The following TBK1 variants were observed in gnomAD, a reference collection of about 807,000 sequenced individuals.
TBK1 encodes the protein serine/threonine-protein kinase TBK1.
TBK1 carries 37 observed loss-of-function variants against 99.9 expected under a neutral mutation model. The ratio of observed to expected loss-of-function variants is 0.37; its 90% CI spans 0.28 to 0.49. The LOEUF is 0.49. Ranked by LOEUF, TBK1 falls within the 20% of genes least tolerant of loss-of-function variation. The probability of loss-of-function intolerance (pLI) is 0.98; values close to 1 mark genes in which losing one functional copy is unlikely to be tolerated. For synonymous variants in TBK1, 258 were observed against 279.8 expected, an observed-to-expected ratio of 0.92 and a Z score of 0.78; for missense variants, 644 against 872.5, an observed-to-expected ratio of 0.74 and a Z score of 3.30.
At chr12:64,495,294 A>G (rs902776101) in intron 13 of TBK1, 189 bp from the exon 14 acceptor site, 1 of 584,850 alleles carries the variant, frequency 1.7e-6, no homozygotes, top group African/African-American at 1.9e-5. Context: ...ATGTTTTATT[A>G]TCATACTGTA....
chr12:64,455,997 A>G (rs1223597127), intron 2 of TBK1, 40 bp downstream of exon 2: 2 of 1,455,878 alleles, frequency 1.4e-6, no homozygotes, highest in Non-Finnish European at 1.9e-6. Flanking sequence ...TTATCACTGT[A>G]TGTATTTTGT....
intron 6 of TBK1, among the ~76,000 whole-genome samples, chr12:64,476,108 A>G (rs1429975253): frequency 1.5e-5 from 2 of 131,586 alleles, no homozygotes; most frequent in East Asian, 2.4e-4. Context: ...CTCTTTGATG[A>G]TTAGTGGTTT....
At chr12:64,468,260 C>T (rs1179072932) in intron 5 of TBK1, among the ~76,000 whole-genome samples, 11 of 151,938 alleles carry the variant, frequency 7.2e-5, no homozygotes, top group South Asian at 2.1e-4. Context: ...TTTGGGAGGC[C>T]GAGGTGGGCA....
chr12:64,462,869 G>A (rs1355954964), intron 3 of TBK1, among the ~76,000 whole-genome samples: 2 of 152,070 alleles, frequency 1.3e-5, no homozygotes, highest in East Asian at 1.9e-4. Context: ...ATAATCAATG[G>A]TACATTAAAA....
chr12:64,496,244 AC>A, intron 15 of TBK1, 122 bp from the exon 16 acceptor site: 2 of 428,996 alleles, frequency 4.7e-6, no homozygotes, highest in Non-Finnish European at 8.3e-6. Context: ...CCAATGAGCC[AC>A]AAATCTATGA....
chr12:64,456,468 A>G (rs776999221), intron 2 of TBK1, among the ~76,000 whole-genome samples: 2 of 152,188 alleles, frequency 1.3e-5, no homozygotes, highest in African/African-American at 2.4e-5. Context: ...TGAAAAGACC[A>G]TATTTTGGTA....
chr12:64,475,176 C>CT (rs1471747656), intron 6 of TBK1, among the ~76,000 whole-genome samples: 2 of 151,994 alleles, frequency 1.3e-5, no homozygotes, highest in Non-Finnish European at 2.9e-5. Context: ...TAACATTAAA[C>CT]TTTTTTTTCC....
chr12:64,473,934 A>G lies in TBK1; in HGVS notation c.541-296A>G, dbSNP rs985494994. Among the ~76,000 whole-genome samples, 3 of 152,114 alleles carry G rather than the reference A, an allele frequency of 2.0e-5. 1 individual carries two copies. Among genetic ancestry groups the G allele is most frequent in the South Asian group, 4.1e-4 (2 of 4,828 alleles). ...CCCATCTCAAAAAAAAGAGAAAAAA[A>G]TAAAACGGACACAGATTCAGGTAGG... On this transcript the variant is annotated intron_variant, in intron 5 of 20. Coordinates refer to ENST00000331710, the MANE Select transcript of TBK1 (RefSeq NM_013254.4).
chr12:64,480,688 T>TAAG (rs1342198854), intron 7 of TBK1, among the ~76,000 whole-genome samples: 2 of 152,164 alleles, frequency 1.3e-5, no homozygotes, highest in African/African-American at 2.4e-5. Flanking sequence ...AAGAAAGAAT[T>TAAG]AAGGTAAAAG....
chr12:64,476,262 A>C (rs769916483), intron 6 of TBK1, among the ~76,000 whole-genome samples: 7 of 139,656 alleles, frequency 5.0e-5, no homozygotes, highest in Middle Eastern at 4.9e-3. Context: ...GGTTCACGCT[A>C]TTCTCCTGCC....
chr12:64,490,555 C>T (rs530830368), intron 13 of TBK1, among the ~76,000 whole-genome samples: 1 of 151,894 alleles, frequency 6.6e-6, no homozygotes, highest in Non-Finnish European at 1.5e-5. Context: ...CCATAATGCT[C>T]TTGTGTTCTT....
intron 6 of TBK1, 115 bp from the exon 7 acceptor site, chr12:64,479,897 A>G: frequency 1.6e-6 from 1 of 621,492 alleles, no homozygotes; most frequent in Non-Finnish European, 2.8e-6. Flanking sequence ...ATCAATCACA[A>G]AGTTTCATCT....
intron 6 of TBK1, among the ~76,000 whole-genome samples, chr12:64,476,150 C>CTTT (rs59104364): frequency 0.036 from 1,871 of 51,926 alleles, 4 homozygotes; most frequent in African/African-American, 0.046. Flanking sequence ...GCGTAGTCTT[C>CTTT]TTTTTTTTTT....
At chr12:64,471,155 C>T (rs562617809) in intron 5 of TBK1, among the ~76,000 whole-genome samples, 27 of 152,118 alleles carry the variant, frequency 1.8e-4, no homozygotes, top group African/African-American at 3.9e-4. Context: ...AAACATTCTT[C>T]TACTGTTTTT....
chr12:64,481,309 A>G (rs1190799122), intron 7 of TBK1, among the ~76,000 whole-genome samples: 1 of 152,218 alleles, frequency 6.6e-6, no homozygotes, highest in Non-Finnish European at 1.5e-5. Flanking sequence ...TCTGGAGGGT[A>G]ACAGGCATTA....
rs1267900086 is a variant in TBK1, at chr12:64,501,409, T to G, written c.*28T>G. ...TTCTAATAGAAGTTTAAGAAAAGTTTCCGTTTGCACAAGAAAATAACGCTT... is the reference window on the plus strand; with the variant it reads ...TTCTAATAGAAGTTTAAGAAAAGTTGCCGTTTGCACAAGAAAATAACGCTT... On this transcript the variant is annotated 3_prime_UTR_variant, in exon 21 of 21. Coordinates refer to ENST00000331710, the MANE Select transcript of TBK1 (RefSeq NM_013254.4). 1.2e-6 allele frequency: 2 copies of G among 1,610,284 alleles called. No homozygotes were observed. Among genetic ancestry groups the G allele is most frequent in the Non-Finnish European group, 1.7e-6 (2 of 1,178,780 alleles).
chr12:64,493,605 C>T (rs1432457065), intron 13 of TBK1, among the ~76,000 whole-genome samples: 5 of 150,960 alleles, frequency 3.3e-5, no homozygotes, highest in Admixed American at 6.6e-5. Context: ...CCAGCCTGGG[C>T]GACAGAGACC....
intron 3 of TBK1, among the ~76,000 whole-genome samples, chr12:64,463,344 C>T (rs180951771): frequency 3.3e-5 from 5 of 150,594 alleles, no homozygotes; most frequent in Admixed American, 6.6e-5. Context: ...CGCGCCACTG[C>T]GCTCCAGCCT....
At chr12:64,473,604 A>G (rs2040682198) in intron 5 of TBK1, among the ~76,000 whole-genome samples, 3 of 152,198 alleles carry the variant, frequency 2.0e-5, no homozygotes, top group Admixed American at 2.0e-4. Flanking sequence ...GTGCAGTTCC[A>G]TTGTGACTGG....
Sources: gnomAD v4.1 joint callset for allele counts (sites outside exome capture counted in the v4.1 genomes callset) on GRCh38, gnomAD v4.1.1 for gene constraint, MANE v1.5 for transcripts, NCBI Gene and HGNC (gene_info 2026-07-23, HGNC 2026-07-21) for gene names.